TMCO4: variants seen among roughly 807,000 people sequenced by gnomAD.
TMCO4 encodes the protein transmembrane and coiled-coil domains 4, also known as transmembrane and coiled-coil domain-containing protein 4.
Under a neutral mutation model 64.7 loss-of-function variants are expected in TMCO4, and 58 were observed. The ratio of observed to expected loss-of-function variants is 0.90; its 90% CI spans 0.73 to 1.12. The LOEUF is 1.12. Ranked by LOEUF, TMCO4 falls within the 50% of genes most tolerant of loss-of-function variation. TMCO4 has a pLI of 0.00. For missense variants in TMCO4, 780 were observed against 825.9 expected, an observed-to-expected ratio of 0.94 and a Z score of 0.68; for synonymous variants, 325 against 346.1, an observed-to-expected ratio of 0.94 and a Z score of 0.68.
intron 13 of TMCO4, among the ~76,000 whole-genome samples, chr1:19,710,242 G>T (rs1422505291): frequency 6.6e-6 from 1 of 151,164 alleles, no homozygotes; most frequent in Non-Finnish European, 1.5e-5. Context: ...AAGTAACTGG[G>T]ACTACAGGTG....
At position 19,743,579 on chromosome 1, in the gene TMCO4, C is replaced by A. The variant is rs1184744088; in HGVS notation, c.877+1953G>T. ...GGAGATCAGTGAAGACTTTCCTCAT[C>A]CCCAAATGAACTTGACCTTTAACCC... is the stretch of plus-strand genomic sequence containing the variant. On this transcript the variant is annotated intron_variant, in intron 10 of 15. Transcript: ENST00000294543. The surrounding 1 kb of genome is among the most constrained non-coding windows in gnomAD (Gnocchi z 4.1). Among the ~76,000 whole-genome samples the A allele has an allele frequency of 6.6e-6, 1 of 152,150 alleles. No individual in the cohort carries two copies. The highest frequency in any genetic ancestry group is 2.4e-5 in the African/African-American group (1 of 41,420).
At chr1:19,789,223 G>A (rs1040047578) in intron 2 of TMCO4, among the ~76,000 whole-genome samples, 1 of 151,614 alleles carries the variant, frequency 6.6e-6, no homozygotes, top group South Asian at 2.1e-4. Flanking sequence ...CCAACATGGC[G>A]AAACCCCATC....
At chr1:19,787,437 C>T (rs1239212223) in intron 2 of TMCO4, among the ~76,000 whole-genome samples, 5 of 152,342 alleles carry the variant, frequency 3.3e-5, no homozygotes, top group East Asian at 3.9e-4. Context: ...AGTTCCTCAG[C>T]GGGCACCCTG....
chr1:19,690,703 A>G (rs1049857577), intron 15 of TMCO4, among the ~76,000 whole-genome samples: 2 of 152,204 alleles, frequency 1.3e-5, no homozygotes, highest in Non-Finnish European at 1.5e-5. Flanking sequence ...AGAAGTGGGC[A>G]GCACAGCTTC....
rs147472931 is a variant in TMCO4, at chr1:19,686,883, A to C, written c.1501-3439T>G. Among the ~76,000 whole-genome samples the C allele has an allele frequency of 2.7e-3, 404 of 152,362 alleles. 1 individual carries two copies. The highest frequency in any genetic ancestry group is 4.6e-3 in the Non-Finnish European group (310 of 68,034). On this transcript the variant is annotated intron_variant, in intron 15 of 15. Transcript: ENST00000294543. ...AAGGAGTTCAAGGGCCTGGCACTTC[A>C]TAGGAACTCAGAGAATGCTAGCTTT...
In TMCO4 at chr1:19,751,996, C is replaced by A. The variant is rs1349618336; in HGVS notation, c.515+3638G>T. 2.7e-5 allele frequency among the ~76,000 whole-genome samples: 4 copies of A among 148,294 alleles called. No homozygotes were observed. In the East Asian group the frequency reaches 6.2e-4, roughly 23 times the overall value. ...CCAGGAGGCGGAGCTTGCAGTGAGC[C>A]GAGATGGCGCCACTGCACTCCAGCC... On this transcript the variant is annotated intron_variant, in intron 7 of 15. Transcript: ENST00000294543.
At position 19,746,684 on chromosome 1, in the gene TMCO4, GGAGGCC is replaced by G. The variant is rs1287202693; in HGVS notation, c.614-91_614-86del. On this transcript the variant is annotated intron_variant, in intron 8 of 15. Coordinates refer to ENST00000294543, the MANE Select transcript of TMCO4 (RefSeq NM_181719.7). ...TCACGCCTGTAATCCCAGCACTTTG[GGAGGCC>G]GAGGTGGGCGGATCACGAGGTCAGG... 1.3e-4 allele frequency: 191 copies of G among 1,488,146 alleles called. 3 individuals are homozygous for G. In the East Asian group the frequency reaches 1.9e-3, roughly 15 times the overall value. 92.2% of individuals were successfully genotyped at this position (1,488,146 alleles called of 1,614,324 possible). A position where few individuals can be genotyped will look rare whatever the true frequency, so the allele number is the denominator to read the frequency against.
At chr1:19,797,642 G>A (rs143175518) in intron 2 of TMCO4, among the ~76,000 whole-genome samples, 10,095 of 152,090 alleles carry the variant, frequency 0.066, 418 homozygotes, top group Non-Finnish European at 0.1. Flanking sequence ...AGGCTGAGGC[G>A]GGCAGATCAC....
At position 19,734,163 on chromosome 1, in the gene TMCO4, A is replaced by G. The variant is rs1327526067; in HGVS notation, c.1264+3209T>C. On this transcript the variant is annotated intron_variant, in intron 13 of 15. Transcript: ENST00000294543. The surrounding 1 kb of genome is among the most constrained non-coding windows in gnomAD (Gnocchi z 4.4). ...AAGGAGACAGAGAGGACGGACCAAG[A>G]GGGAACAATGGAAATAGAGCTTGGT... 3.3e-5 allele frequency among the ~76,000 whole-genome samples: 5 copies of G among 152,170 alleles called. No homozygotes were observed. The highest frequency in any genetic ancestry group is 2.6e-4 in the Admixed American group (4 of 15,282).
At chr1:19,723,807 A>C (rs2095396742) in intron 13 of TMCO4, among the ~76,000 whole-genome samples, 1 of 152,060 alleles carries the variant, frequency 6.6e-6, no homozygotes, top group South Asian at 2.1e-4. Context: ...GCTGGTGGCC[A>C]ATCTGTGAGA....
chr1:19,764,600 C>T (rs763060606), intron 6 of TMCO4, among the ~76,000 whole-genome samples: 7 of 152,136 alleles, frequency 4.6e-5, no homozygotes, highest in African/African-American at 9.7e-5. Context: ...TGGTGGCTCA[C>T]GCCTGTAATC....
chr1:19,769,944 C>T (rs1322431523), intron 6 of TMCO4, among the ~76,000 whole-genome samples: 1 of 120,128 alleles, frequency 8.3e-6, no homozygotes, highest in African/African-American at 3.0e-5. Flanking sequence ...AGCACACGTG[C>T]TTAGGGAGCT....
At chr1:19,762,612 T>C (rs2042556464) in intron 6 of TMCO4, among the ~76,000 whole-genome samples, 1 of 152,234 alleles carries the variant, frequency 6.6e-6, no homozygotes. Context: ...TCGAACACTC[T>C]TATGCATCAA....
chr1:19,761,371 T>G (rs2100973872), intron 6 of TMCO4, among the ~76,000 whole-genome samples: 1 of 152,342 alleles, frequency 6.6e-6, no homozygotes, highest in Non-Finnish European at 1.5e-5. Flanking sequence ...CAATGGGTGC[T>G]GCAACATCCC....
In TMCO4 at chr1:19,745,511, TCTGGTCCTC is replaced by T; in HGVS notation, c.877+12_877+20del. 6.2e-7 allele frequency: 1 copy of T among 1,613,910 alleles called. No homozygotes were observed. The highest frequency in any genetic ancestry group is 1.3e-5 in the African/African-American group (1 of 75,004). Reference sequence around the variant, plus strand: ...CCACCACTGCCCACCCCCCTCCACTTCTGGTCCTCCTGGTCCTCACGGTATTTGCCAGAA... The same window carrying T: ...CCACCACTGCCCACCCCCCTCCACTTCTGGTCCTCACGGTATTTGCCAGAA... On this transcript the variant is annotated intron_variant, in intron 10 of 15. Coordinates refer to ENST00000294543, the MANE Select transcript of TMCO4 (RefSeq NM_181719.7).
At chr1:19,718,582 C>CT (rs2095367161) in intron 13 of TMCO4, among the ~76,000 whole-genome samples, 1 of 136,480 alleles carries the variant, frequency 7.3e-6, no homozygotes, top group African/African-American at 2.8e-5. Context: ...GCCCAGGAGT[C>CT]TGAGACTGCA....
chr1:19,699,474 C>G (rs1199251625), intron 14 of TMCO4, among the ~76,000 whole-genome samples: 1 of 136,760 alleles, frequency 7.3e-6, no homozygotes, highest in Non-Finnish European at 1.5e-5. Flanking sequence ...CATTCCTTAT[C>G]TTTTTCATAT....
chr1:19,776,610 T>C (rs1349475632), intron 4 of TMCO4, among the ~76,000 whole-genome samples: 2 of 152,210 alleles, frequency 1.3e-5, no homozygotes, highest in African/African-American at 2.4e-5. Flanking sequence ...GCAAGGGCCA[T>C]CAACACATAC....
intron 7 of TMCO4, among the ~76,000 whole-genome samples, chr1:19,749,819 G>C (rs1484029611): frequency 6.6e-6 from 1 of 152,172 alleles, no homozygotes; most frequent in Non-Finnish European, 1.5e-5. Context: ...ATCTGCAATG[G>C]ACACAAAGTA....
Sources: gnomAD v4.1 joint callset for allele counts (sites outside exome capture counted in the v4.1 genomes callset) on GRCh38, gnomAD v4.1.1 for gene constraint, Gnocchi (gnomAD v3.1) non-coding constraint, MANE v1.5 for transcripts, NCBI Gene and HGNC (gene_info 2026-07-23, HGNC 2026-07-21) for gene names.